Variants in ESR2 observed in about 807,000 individuals in gnomAD.
ESR2 encodes estrogen receptor 2, also known as estrogen receptor beta.
In ESR2, 36 loss-of-function variants were observed where a neutral mutation model predicts 49.6. That is an observed-to-expected ratio of 0.73 (90% confidence interval 0.56 to 0.96). The LOEUF (loss-of-function observed/expected upper bound fraction) is 0.96, where lower values mean the gene tolerates loss of function less well. Ranked by LOEUF, ESR2 falls within the 40% of genes least tolerant of loss-of-function variation. The pLI is 0.00. For synonymous variants in ESR2, 320 were observed against 266.1 expected (o/e 1.20, Z -1.97); for missense variants, 714 against 693.0 (o/e 1.03, Z -0.34).
At chr14:64,309,606 T>TAAAAAAAAAAAAAAAA (rs2077158984) in intron 1 of ESR2, among the ~76,000 whole-genome samples, 1 of 43,784 alleles carries the variant, frequency 2.3e-5, no homozygotes, top group Non-Finnish European at 4.1e-5. Context: ...AAACTCCATC[T>TAAAAAAAAAAAAAAAA]CAAAAAAAAA....
intron 3 of ESR2, among the ~76,000 whole-genome samples, chr14:64,274,992 T>G (rs1332276913): frequency 6.6e-6 from 1 of 152,266 alleles, no homozygotes; most frequent in Non-Finnish European, 1.5e-5. Flanking sequence ...TTGAATGTTT[T>G]AACACTTGTC....
chr14:64,268,445 C>T (rs1222591477), intron 4 of ESR2, among the ~76,000 whole-genome samples: 1 of 152,192 alleles, frequency 6.6e-6, no homozygotes, highest in East Asian at 1.9e-4. Flanking sequence ...TAGAACTGGA[C>T]TTTTCAAGAT....
intron 1 of ESR2, among the ~76,000 whole-genome samples, chr14:64,313,530 CA>C (rs60380584): frequency 5.0e-4 from 54 of 107,426 alleles, no homozygotes; most frequent in Middle Eastern, 5.4e-3. Flanking sequence ...GAGGCTCTGT[CA>C]AAAAAAAAAA....
intron 3 of ESR2, among the ~76,000 whole-genome samples, chr14:64,270,710 G>A (rs1213781428): frequency 1.3e-5 from 2 of 152,116 alleles, no homozygotes; most frequent in Admixed American, 6.5e-5. Context: ...GGGTTTGGCC[G>A]TGTTGGCCAG....
rs528822239 is a variant in ESR2 at position 64,261,711 on chromosome 14, A to G, written c.653-963T>C. 8.5e-5 allele frequency among the ~76,000 whole-genome samples: 13 copies of G among 152,274 alleles called. No individual in the cohort carries two copies. In the South Asian group the frequency reaches 2.3e-3, roughly 27 times the overall value. On this transcript the variant is annotated intron_variant, in intron 4 of 8. Transcript: ENST00000341099. ...TGGGATTACAGGCGTGAGCCACTGC[A>G]CCCAGCCTTTATACACAAAATTAGA...
chr14:64,283,105 G>T, intron 1 of ESR2, 30 bp from the exon 2 acceptor site: 1 of 961,578 alleles, frequency 1.0e-6, no homozygotes. Flanking sequence ...ATATTGCCAA[G>T]TTAGAGCTAC....
chr14:64,291,077 G>T (rs1312771259), intron 1 of ESR2, among the ~76,000 whole-genome samples: 1 of 152,126 alleles, frequency 6.6e-6, no homozygotes, highest in East Asian at 1.9e-4. Flanking sequence ...TGTAGGAACT[G>T]GACCAAATTC....
downstream of ESR2, chr14:64,227,592 G>GTGTT (rs751885388): frequency 5.6e-6 from 9 of 1,614,076 alleles, no homozygotes; most frequent in South Asian, 7.7e-5. Context: ...AATGAGGTGA[G>GTGTT]TGTTTGAGAG....
chr14:64,259,836 C>A (rs2076175364), intron 5 of ESR2, among the ~76,000 whole-genome samples: 1 of 152,188 alleles, frequency 6.6e-6, no homozygotes, highest in Non-Finnish European at 1.5e-5. Context: ...TATTTAGCAT[C>A]TGACAAACCT....
intron 7 of ESR2, among the ~76,000 whole-genome samples, chr14:64,236,445 T>C (rs896154262): frequency 6.6e-6 from 1 of 152,012 alleles, no homozygotes; most frequent in Non-Finnish European, 1.5e-5. Flanking sequence ...GCCCCGTGTG[T>C]CCCCTTCTGA....
chr14:64,269,551 A>G (rs960425455), intron 3 of ESR2, among the ~76,000 whole-genome samples: 7 of 152,188 alleles, frequency 4.6e-5, no homozygotes, highest in African/African-American at 1.4e-4. Context: ...TTTATAGCCA[A>G]TGATATATCA....
rs1295145490 is a variant in ESR2 at position 64,229,070 on chromosome 14, AG to A, written c.*4066del. Reference sequence around the variant, plus strand: ...TTTGGGGAAAGCAGTCACAGACAGGAGGTGATCACAGTACCCACTAGAGCTC... The same window carrying A: ...TTTGGGGAAAGCAGTCACAGACAGGAGTGATCACAGTACCCACTAGAGCTC... On this transcript the variant is annotated 3_prime_UTR_variant, in exon 9 of 9. Transcript: ENST00000341099. Among the ~76,000 whole-genome samples, 1 of 152,174 alleles carries A rather than the reference AG, an allele frequency of 6.6e-6. No homozygotes were observed. The highest frequency in any genetic ancestry group is 1.5e-5 in the Non-Finnish European group (1 of 68,024).
chr14:64,253,560 T>TTGTGTGTG (rs752711685), intron 6 of ESR2, among the ~76,000 whole-genome samples: 2,413 of 136,520 alleles, frequency 0.018, 41 homozygotes, highest in South Asian at 0.027. Flanking sequence ...GGTACACTAT[T>TTGTGTGTG]TGTGTGTGTG....
At chr14:64,286,444 G>C (rs2076786712) in intron 1 of ESR2, among the ~76,000 whole-genome samples, 1 of 151,796 alleles carries the variant, frequency 6.6e-6, no homozygotes, top group Admixed American at 6.6e-5. Context: ...GGGATTACAG[G>C]TGCCTACCAC....
chr14:64,282,381 CT>C (rs2076691958), intron 2 of ESR2, among the ~76,000 whole-genome samples: 1 of 152,118 alleles, frequency 6.6e-6, no homozygotes, highest in South Asian at 2.1e-4. Context: ...TCAGTATTTA[CT>C]GTATAAAGAC....
chr14:64,239,320 CA>C (rs1182516489), intron 7 of ESR2, among the ~76,000 whole-genome samples: 2 of 152,176 alleles, frequency 1.3e-5, no homozygotes, highest in Admixed American at 6.5e-5. Flanking sequence ...CTTCTCCACC[CA>C]CCCACTCCAT....
At chr14:64,241,323 T>C (rs1248075698) in intron 7 of ESR2, among the ~76,000 whole-genome samples, 1 of 152,226 alleles carries the variant, frequency 6.6e-6, no homozygotes, top group Non-Finnish European at 1.5e-5. Flanking sequence ...TTCTGGACTC[T>C]CTGTTCCATT....
At chr14:64,298,783 A>G (rs555357425), upstream of ESR2, among the ~76,000 whole-genome samples, 1 of 152,264 alleles carries the variant, frequency 6.6e-6, no homozygotes, top group African/African-American at 2.4e-5. Context: ...GTAAAAAATA[A>G]CTTTTTGTCC....
chr14:64,234,979 C>A lies in ESR2; in HGVS notation c.1397G>T (p.Arg466Met), dbSNP rs2098731068. ...ANLLMLLSHV[R>M]HASNKGMEHL... ...TCCTTAGGGCGCGTACCTCGCATGC[C>A]TGACGTGGGACAGGAGCATCAGGAG... Residue 466 changes from arginine to methionine, a missense_variant, in exon 8 of 9, where the codon AGG (arginine) becomes ATG (methionine). Transcript: ENST00000341099. The A allele has an allele frequency of 1.2e-6, 2 of 1,613,992 alleles. No homozygotes were observed. Among genetic ancestry groups the A allele is most frequent in the Non-Finnish European group, 1.7e-6 (2 of 1,179,976 alleles).
Sources: allele counts gnomAD v4.1 joint callset (sites outside exome capture counted in the v4.1 genomes callset), GRCh38; gene constraint gnomAD v4.1.1; transcripts MANE v1.5; gene names NCBI Gene and HGNC (gene_info 2026-07-23, HGNC 2026-07-21).